Variants in DNAJC1 observed in about 807,000 individuals in gnomAD.
The protein encoded by DNAJC1 is DnaJ heat shock protein family (Hsp40) member C1.
DNAJC1 carries 58 observed loss-of-function variants against 76.6 expected under a neutral mutation model. The ratio of observed to expected loss-of-function variants is 0.76; its 90% CI spans 0.61 to 0.94. The LOEUF (loss-of-function observed/expected upper bound fraction) is 0.94. Among genes scored for constraint, DNAJC1 ranks in the 40% least tolerant of loss-of-function variants. The pLI is 0.00. For synonymous variants in DNAJC1, 258 were observed against 267.9 expected (o/e 0.96, Z 0.36); for missense variants, 689 against 677.3 (o/e 1.02, Z -0.19).
At chr10:21,911,029 GAA>G (rs1836850211) in intron 6 of DNAJC1, among the ~76,000 whole-genome samples, 11 of 126,948 alleles carry the variant, frequency 8.7e-5, no homozygotes, top group South Asian at 2.9e-4. Flanking sequence ...AAAAGAGAAA[GAA>G]AGAGAGAGAA....
At chr10:21,900,629 A>G (rs1411490602) in intron 7 of DNAJC1, among the ~76,000 whole-genome samples, 2 of 152,196 alleles carry the variant, frequency 1.3e-5, no homozygotes, top group Non-Finnish European at 2.9e-5. Context: ...ATAAAATACT[A>G]TATTCTTTAG....
intron 9 of DNAJC1, among the ~76,000 whole-genome samples, chr10:21,772,527 TA>T (rs1460114265): frequency 6.6e-6 from 1 of 152,166 alleles, no homozygotes; most frequent in Non-Finnish European, 1.5e-5. Flanking sequence ...GACATACATT[TA>T]TTCACGATTG....
rs772770924 is a variant in DNAJC1, at chr10:21,948,588, G to C, written c.223-19447C>G. Among the ~76,000 whole-genome samples the C allele has an allele frequency of 6.6e-5, 10 of 152,226 alleles. No individual in the cohort carries two copies. In the South Asian group the frequency reaches 1.2e-3, roughly 19 times the overall value. ...GTCTGAAAATATTAAGACATTTTGA[G>C]ACAAAAGAGAGATCATATTCACGTA... is the stretch of plus-strand genomic sequence containing the variant. On this transcript the variant is annotated intron_variant, in intron 1 of 11. Coordinates refer to ENST00000376980, the MANE Select transcript of DNAJC1 (RefSeq NM_022365.4).
intron 8 of DNAJC1, among the ~76,000 whole-genome samples, chr10:21,841,275 C>A (rs1370810698): frequency 1.3e-5 from 2 of 152,160 alleles, no homozygotes; most frequent in East Asian, 3.9e-4. Flanking sequence ...AACCTAAGAG[C>A]TTCTGCACAG....
intron 8 of DNAJC1, among the ~76,000 whole-genome samples, chr10:21,828,952 T>A (rs954022817): frequency 6.6e-5 from 10 of 152,238 alleles, no homozygotes; most frequent in African/African-American, 1.9e-4. Flanking sequence ...TGTGTATATT[T>A]TCTTGCCATG....
intron 5 of DNAJC1, among the ~76,000 whole-genome samples, chr10:21,919,141 A>G (rs1236730730): frequency 6.6e-6 from 1 of 152,042 alleles, no homozygotes; most frequent in Non-Finnish European, 1.5e-5. Context: ...TTACAAAGAT[A>G]AACAAAAGCC....
In DNAJC1 at chr10:21,792,111, C is replaced by T. The variant is rs1022808742; in HGVS notation, c.1098+13869G>A. ...TATTCAAGCACTTTCAGAGCACAAC[C>T]GCTGATGTGAATGAAATGAATAAAT... is the stretch of plus-strand genomic sequence containing the variant. On this transcript the variant is annotated intron_variant, in intron 9 of 11. Transcript: ENST00000376980. Among the ~76,000 whole-genome samples the T allele has an allele frequency of 3.3e-5, 5 of 151,958 alleles. 1 individual carries two copies. Among genetic ancestry groups the T allele is most frequent in the African/African-American group, 4.8e-5 (2 of 41,364 alleles).
intron 1 of DNAJC1, among the ~76,000 whole-genome samples, chr10:21,969,328 G>T (rs1837939935): frequency 6.6e-6 from 1 of 151,866 alleles, no homozygotes; most frequent in African/African-American, 2.4e-5. Flanking sequence ...TGAGGGCGGG[G>T]GATATCAGAC....
At chr10:21,792,079 C>T (rs1834695834) in intron 9 of DNAJC1, among the ~76,000 whole-genome samples, 1 of 152,220 alleles carries the variant, frequency 6.6e-6, no homozygotes, top group South Asian at 2.1e-4. Context: ...ATCAGCCACA[C>T]TTTTATTATT....
intron 8 of DNAJC1, among the ~76,000 whole-genome samples, chr10:21,839,908 T>C (rs1086898): frequency 0.78 from 119,089 of 152,124 alleles, 47,472 homozygotes; most frequent in East Asian, 0.99. Context: ...CCACCATGAT[T>C]AAGTGGGCTT....
rs774207365 is a variant in DNAJC1, at chr10:21,759,349, T to C, written c.1417A>G (p.Ile473Val). The change falls in exon 11 of 12, where the codon ATA (isoleucine) becomes GTA (valine). Residue 473 changes from isoleucine to valine, a missense_variant. Ile to Val is a conservative substitution (Grantham distance 29, BLOSUM62 3). Transcript: ENST00000376980. ...SRAKRQKDFD[I>V]AEQNESSDEE... The stretch of plus-strand genomic sequence containing the variant: ...TCGCTGGACTCGTTTTGTTCTGCTA[T>C]GTCAAAGTCCTTCTGCCGCTTGGCT... 18 of 1,614,242 alleles carry C rather than the reference T, an allele frequency of 1.1e-5. No homozygotes were observed. Among genetic ancestry groups the C allele is most frequent in the Non-Finnish European group, 1.4e-5 (17 of 1,180,042 alleles).
At position 21,813,244 on chromosome 10, in the gene DNAJC1, A is replaced by ATATATATATATATATATATG. The variant is rs1429581567; in HGVS notation, c.979-7146_979-7145insCATATATATATATATATATA. 1.3e-4 allele frequency among the ~76,000 whole-genome samples: 16 copies of ATATATATATATATATATATG among 122,920 alleles called. 2 individuals are homozygous for ATATATATATATATATATATG. The highest frequency in any genetic ancestry group is 5.7e-4 in the African/African-American group (14 of 24,770). 80.6% of individuals were successfully genotyped at this position (122,920 alleles called of 152,430 possible). A position where few individuals can be genotyped will look rare whatever the true frequency, so the allele number is the denominator to read the frequency against. ...TCTATATATATATATATATATATAT[A>ATATATATATATATATATATG]CACATACAGCTTCTGCCTTGCTCTT... On this transcript the variant is annotated intron_variant, in intron 8 of 11. Coordinates refer to ENST00000376980, the MANE Select transcript of DNAJC1 (RefSeq NM_022365.4).
intron 1 of DNAJC1, among the ~76,000 whole-genome samples, chr10:21,948,201 C>T (rs1826374914): frequency 6.6e-6 from 1 of 151,744 alleles, no homozygotes; most frequent in East Asian, 1.9e-4. Flanking sequence ...AGTGATTCTC[C>T]TGCCTCAGCC....
chr10:21,925,303 C>T (rs1421563932), intron 3 of DNAJC1, among the ~76,000 whole-genome samples: 3 of 152,164 alleles, frequency 2.0e-5, no homozygotes, highest in Non-Finnish European at 2.9e-5. Context: ...TGAGCCACTG[C>T]GCCCAGCCAG....
chr10:21,799,093 G>A (rs1589984825), intron 9 of DNAJC1, among the ~76,000 whole-genome samples: 1 of 152,214 alleles, frequency 6.6e-6, no homozygotes, highest in East Asian at 1.9e-4. Flanking sequence ...AAAATAATCT[G>A]TAAAACATAT....
intron 8 of DNAJC1, among the ~76,000 whole-genome samples, chr10:21,808,705 T>C (rs1834920134): frequency 6.6e-6 from 1 of 152,186 alleles, no homozygotes; most frequent in South Asian, 2.1e-4. Flanking sequence ...GTGAATGTAC[T>C]CTCCCTCTTC....
At chr10:21,998,025 G>GA (rs2131853194) in intron 1 of DNAJC1, among the ~76,000 whole-genome samples, 1 of 152,208 alleles carries the variant, frequency 6.6e-6, no homozygotes, top group African/African-American at 2.4e-5. Context: ...AAATGAATAT[G>GA]AAGTGTTTAC....
chr10:21,849,490 TAA>T (rs1564807304), intron 8 of DNAJC1, among the ~76,000 whole-genome samples: 1 of 151,594 alleles, frequency 6.6e-6, no homozygotes, highest in Admixed American at 6.6e-5. Context: ...GTCATTTTTT[TAA>T]AAAGACAAAA....
chr10:21,921,326 A>C (rs1837039314), intron 3 of DNAJC1, among the ~76,000 whole-genome samples: 1 of 151,982 alleles, frequency 6.6e-6, no homozygotes, highest in African/African-American at 2.4e-5. Context: ...GGAGGATCTC[A>C]ATAGGAGAAA....
Sources: allele counts gnomAD v4.1 joint callset (sites outside exome capture counted in the v4.1 genomes callset), GRCh38; gene constraint gnomAD v4.1.1; transcripts MANE v1.5; gene names NCBI Gene and HGNC (gene_info 2026-07-23, HGNC 2026-07-21).